RGN: variants seen among roughly 807,000 people sequenced by gnomAD.
The protein encoded by RGN is regucalcin, also known as epididymis secretory protein Li 41.
Under a neutral mutation model 20.6 loss-of-function variants are expected in RGN, and 19 were observed. The observed-to-expected ratio is 0.92, with a 90% CI of 0.64 to 1.35. The LOEUF (loss-of-function observed/expected upper bound fraction) is 1.35. Among genes scored for constraint, RGN ranks in the 40% most tolerant of loss-of-function variants. The pLI is 0.00. For synonymous variants in RGN, 85 were observed against 87.2 expected (o/e 0.97, Z 0.14); for missense variants, 302 against 232.7 (o/e 1.30, Z -1.94).
chrX:47,090,405 G>T (rs1055690794), intron 5 of RGN, among the ~76,000 whole-genome samples: 2 of 110,306 alleles, frequency 1.8e-5, no homozygotes, highest in Non-Finnish European at 1.9e-5. Context: ...TGAGGTTTTT[G>T]ATTGCTATTT....
At chrX:47,089,731 G>A in intron 4 of RGN, 45 bp from the exon 5 acceptor site, 1 of 1,037,354 alleles carries the variant, frequency 9.6e-7, no homozygotes, top group Non-Finnish European at 1.3e-6. Flanking sequence ...CGTGCATGGG[G>A]TAAGATGCTA....
rs953534651 is a variant in RGN, at chrX:47,080,802, G to A, written c.-150G>A. 4 of 154,162 alleles carry A rather than the reference G, an allele frequency of 2.6e-5. No homozygotes were observed. The highest frequency in any genetic ancestry group is 2.4e-4 in the Admixed American group (3 of 12,732). 12.7% of individuals were successfully genotyped at this position (154,162 alleles called of 1,213,427 possible). A position where few individuals can be genotyped will look rare whatever the true frequency, so the allele number is the denominator to read the frequency against. On this transcript the variant is annotated 5_prime_UTR_variant, in exon 2 of 8. Coordinates refer to ENST00000397180, the MANE Select transcript of RGN (RefSeq NM_152869.4). ...GCTCCCTGACCCGCCCTGGGGCCCAGGGTATTGACATAAAGGACGGCCTTG... is the reference window on the plus strand; with the variant it reads ...GCTCCCTGACCCGCCCTGGGGCCCAAGGTATTGACATAAAGGACGGCCTTG...
chrX:47,080,820 C>T lies in RGN; in HGVS notation c.-132C>T, dbSNP rs189512262. 9.0e-4 allele frequency: 159 copies of T among 176,970 alleles called. No homozygotes were observed. Among genetic ancestry groups the T allele is most frequent in the Non-Finnish European group, 1.4e-3 (139 of 96,461 alleles). The allele number at this position is 176,970 out of a possible 1,213,427, so 14.6% of individuals were successfully genotyped here. On this transcript the variant is annotated 5_prime_UTR_variant, in exon 2 of 8. In the 5' UTR this introduces an upstream ATG that the reference lacks. Coordinates refer to ENST00000397180, the MANE Select transcript of RGN (RefSeq NM_152869.4). ...GGGCCCAGGGTATTGACATAAAGGACGGCCTTGCACTATTTCAACAGCCAG... is the reference window on the plus strand; with the variant it reads ...GGGCCCAGGGTATTGACATAAAGGATGGCCTTGCACTATTTCAACAGCCAG...
intron 4 of RGN, among the ~76,000 whole-genome samples, chrX:47,087,966 AATATATAATATTATATT>A (rs1368277438): frequency 2.0e-5 from 2 of 99,502 alleles, no homozygotes; most frequent in African/African-American, 3.6e-5. Context: ...ATATTATATT[AATATATAATATTATATT>A]ATATATAATT....
rs545818642 is a variant in RGN at position 47,079,821 on chromosome X, T to C, written c.-635-496T>C. On this transcript the variant is annotated intron_variant, in intron 1 of 7. Transcript: ENST00000397180. ...TCCCTCTCTATTCATTTGCCCATCA[T>C]GTGTAGGACCACTTACTTCAAAGCA... Among the ~76,000 whole-genome samples the C allele has an allele frequency of 2.1e-4, 23 of 111,815 alleles. No homozygotes were observed. The South Asian group carries it at 8.3e-3, about 40-fold the overall frequency.
At chrX:47,092,392 T>C (rs939375973) in intron 7 of RGN, among the ~76,000 whole-genome samples, 177 bp downstream of exon 7, 1 of 112,207 alleles carries the variant, frequency 8.9e-6, no homozygotes, top group Non-Finnish European at 1.9e-5. Flanking sequence ...GTAAGTTATC[T>C]GAAGTCCAAG....
In RGN at chrX:47,093,170, G is replaced by T; in HGVS notation, c.*223G>T. On this transcript the variant is annotated 3_prime_UTR_variant, in exon 8 of 8. Transcript: ENST00000397180. ...TCTGTAAAAGGTACTATAGAAGGGC[G>T]AAGAATCGTTCAACTGTCAATCAGC... 2.6e-6 allele frequency: 1 copy of T among 379,615 alleles called. No homozygotes were observed. The highest frequency in any genetic ancestry group is 4.5e-6 in the Non-Finnish European group (1 of 221,219). The allele number at this position is 379,615 out of a possible 1,213,427, so 31.3% of individuals were successfully genotyped here.
At chrX:47,079,423 T>C (rs1392668668) in intron 1 of RGN, among the ~76,000 whole-genome samples, 3 of 108,847 alleles carry the variant, frequency 2.8e-5, no homozygotes, top group African/African-American at 1.0e-4. Context: ...TTTGTTTTGT[T>C]TTTTTGTTTT....
chrX:47,090,017 A>C, intron 5 of RGN, 26 bp downstream of exon 5: 4 of 1,065,523 alleles, frequency 3.8e-6, no homozygotes, highest in Non-Finnish European at 5.1e-6. Context: ...TATTTGTCTC[A>C]GTGCTGCCAC....
chrX:47,085,285 C>T (rs1001101222), intron 4 of RGN, among the ~76,000 whole-genome samples: 54 of 111,305 alleles, frequency 4.9e-4, no homozygotes, highest in African/African-American at 1.6e-3. Flanking sequence ...TTGGGAAGGC[C>T]GAGGCGGGCA....
At chrX:47,084,693 C>G (rs1171329221) in intron 4 of RGN, 93 bp downstream of exon 4, 13 of 805,354 alleles carry the variant, frequency 1.6e-5, no homozygotes, top group Non-Finnish European at 2.3e-5. Context: ...TGGTGGCTCC[C>G]GCCTGTAATC....
At chrX:47,089,530 TCATATATATACATATTATATACAC>T (rs1930808346) in intron 4 of RGN, among the ~76,000 whole-genome samples, 6 of 52,529 alleles carry the variant, frequency 1.1e-4, no homozygotes, top group African/African-American at 2.9e-4. Flanking sequence ...TTATATATAC[TCATATATATACATATTATATACAC>T]TTATATATAC....
In RGN at chrX:47,091,779, G is replaced by A. The variant is rs1556387972; in HGVS notation, c.664G>A (p.Gly222Arg). Residue 222 changes from glycine (G) to arginine (R), a missense_variant, in exon 6 of 8, where the codon GGA (glycine) becomes AGA (arginine). Physicochemically the swap from Gly to Arg is moderately radical, Grantham distance 125. Coordinates refer to ENST00000397180, the MANE Select transcript of RGN (RefSeq NM_152869.4). The stretch of plus-strand genomic sequence containing the variant: ...GCTCTGGGTGGCCTGTTACAATGGA[G>A]GAAGAGTGATTCGTTTAGATCCTGT... ...GKLWVACYNG[G>R]RVIRLDPVTG... 1 of 1,210,738 alleles carries A rather than the reference G, an allele frequency of 8.3e-7. No individual in the cohort carries two copies. Among genetic ancestry groups the A allele is most frequent in the South Asian group, 1.8e-5 (1 of 56,773 alleles).
intron 5 of RGN, among the ~76,000 whole-genome samples, chrX:47,090,921 AAAGAAAGAAAG>A (rs1484711408): frequency 1.9e-4 from 2 of 10,361 alleles, no homozygotes; most frequent in Non-Finnish European, 5.3e-4. Flanking sequence ...AGAAGGAAAG[AAAGAAAGAAAG>A]AAAGAAAGAA....
chrX:47,079,452 A>T (rs1602438097), intron 1 of RGN, among the ~76,000 whole-genome samples: 1 of 98,639 alleles, frequency 1.0e-5, no homozygotes. Flanking sequence ...TTTTTTTGAG[A>T]CGGAGTCTTA....
chrX:47,083,636 C>A (rs964393659), intron 3 of RGN, among the ~76,000 whole-genome samples: 1 of 111,885 alleles, frequency 8.9e-6, no homozygotes, highest in Non-Finnish European at 1.9e-5. Context: ...CTGGGCCTGG[C>A]GTGGTGGCTC....
In RGN at chrX:47,084,489, G is replaced by A. The variant is rs1217198371; in HGVS notation, c.235G>A (p.Ala79Thr). The A allele has an allele frequency of 2.5e-6, 3 of 1,204,564 alleles. No individual in the cohort carries two copies. The African/African-American group carries it at 5.2e-5, about 21-fold the overall frequency. The change falls in exon 4 of 8, where the codon GCT (alanine) becomes ACT (threonine). Residue 79 changes from alanine to threonine, a missense_variant. Physicochemically the swap from Ala to Thr is moderately conservative, Grantham distance 58 (BLOSUM62 0). Coordinates refer to ENST00000397180, the MANE Select transcript of RGN (RefSeq NM_152869.4). Reference protein sequence around the residue: ...YVATIGTKFCALNWKEQSAVV... With the variant: ...YVATIGTKFCTLNWKEQSAVV... ...TGCCACCATTGGAACAAAGTTCTGT[G>A]CTTTGAACTGGAAAGAACAATCAGC...
intron 3 of RGN, among the ~76,000 whole-genome samples, chrX:47,082,465 C>A (rs782549183): frequency 9.1e-6 from 1 of 109,599 alleles, no homozygotes; most frequent in African/African-American, 3.3e-5. Flanking sequence ...CATGTGCCAC[C>A]ACACCTAGCT....
At chrX:47,086,844 C>T (rs374023692) in intron 4 of RGN, among the ~76,000 whole-genome samples, 2 of 107,720 alleles carry the variant, frequency 1.9e-5, no homozygotes, top group Non-Finnish European at 3.8e-5. Context: ...TTTAACCAAT[C>T]GGAAGTGACA....
Sources: gnomAD v4.1 joint callset for allele counts (sites outside exome capture counted in the v4.1 genomes callset) on GRCh38, gnomAD v4.1.1 for gene constraint, MANE v1.5 for transcripts, NCBI Gene and HGNC (gene_info 2026-07-23, HGNC 2026-07-21) for gene names.